TNFRSF21: variants seen among roughly 807,000 people sequenced by gnomAD.
The protein encoded by TNFRSF21 is tumor necrosis factor receptor superfamily member 21.
In TNFRSF21, 19 loss-of-function variants were observed where a neutral mutation model predicts 45.6. The ratio of observed to expected loss-of-function variants is 0.42; its 90% CI spans 0.29 to 0.61. The LOEUF (loss-of-function observed/expected upper bound fraction) is 0.61. Ranked by LOEUF, TNFRSF21 falls within the 20% of genes least tolerant of loss-of-function variation. The pLI is 0.23. For synonymous variants in TNFRSF21, 314 were observed against 335.5 expected (o/e 0.94, Z 0.70); for missense variants, 737 against 851.5 (o/e 0.87, Z 1.67).
chr6:47,308,299 A>C (rs1372021077), intron 1 of TNFRSF21, among the ~76,000 whole-genome samples: 1 of 152,230 alleles, frequency 6.6e-6, no homozygotes, highest in East Asian at 1.9e-4. Context: ...GCCAGGCGTT[A>C]AGCCCTTTTG....
rs1003096626 is a variant in TNFRSF21 at position 47,286,548 on chromosome 6, C to T, written c.144G>A (p.Ser48=). ...CATGGCGGTATGTGCCAATGAGATT[C>T]GAGGCCTTCTGTTCTGGCTGAGCTG... The part of the protein sequence containing the change: ...TTTAQPEQKA[S]NLIGTYRHVD... The change falls in exon 2 of 6, where the codon TCG becomes TCA. Residue 48 remains serine (S), a synonymous_variant. Transcript: ENST00000296861. 3.1e-6 allele frequency: 5 copies of T among 1,612,272 alleles called. No individual in the cohort carries two copies. Among genetic ancestry groups the T allele is most frequent in the Non-Finnish European group, 4.2e-6 (5 of 1,178,618 alleles).
Position 47,271,252 on chromosome 6 carries a change from G to A in TNFRSF21, c.1243+12686C>T, listed in dbSNP as rs142426982. ...TTGAAATAAAGGAAAAAGTGTTAAGGGGAGCCAGAGAGAAAGGTCAGGTTA... is the reference window on the plus strand; with the variant it reads ...TTGAAATAAAGGAAAAAGTGTTAAGAGGAGCCAGAGAGAAAGGTCAGGTTA... On this transcript the variant is annotated intron_variant, in intron 3 of 5. Coordinates refer to ENST00000296861, the MANE Select transcript of TNFRSF21 (RefSeq NM_014452.5). Among the ~76,000 whole-genome samples, 5 of 152,290 alleles carry A rather than the reference G, an allele frequency of 3.3e-5. No individual in the cohort carries two copies. In the East Asian group the frequency reaches 9.6e-4, roughly 29 times the overall value.
At chr6:47,283,410 T>C in intron 3 of TNFRSF21, among the ~76,000 whole-genome samples, 1 of 152,196 alleles carries the variant, frequency 6.6e-6, no homozygotes, top group East Asian at 1.9e-4. Context: ...AAAATTTAAG[T>C]GGGGAAAATA....
intron 4 of TNFRSF21, among the ~76,000 whole-genome samples, chr6:47,250,815 T>A (rs1764891393): frequency 6.6e-6 from 1 of 152,250 alleles, no homozygotes; most frequent in Non-Finnish European, 1.5e-5. Context: ...AGTAACATAC[T>A]GTGCAATTAC....
intron 1 of TNFRSF21, 150 bp downstream of exon 1, chr6:47,309,266 G>T: frequency 8.9e-7 from 1 of 1,129,922 alleles, no homozygotes; most frequent in Non-Finnish European, 1.2e-6. Context: ...CTGGTGTGTT[G>T]CCTTCCCTTG....
At chr6:47,261,233 T>C (rs12215820) in intron 3 of TNFRSF21, among the ~76,000 whole-genome samples, 136 of 152,226 alleles carry the variant, frequency 8.9e-4, no homozygotes, top group Non-Finnish European at 1.6e-3. Context: ...AAGTCAGAAA[T>C]TGGAATAAAA....
intron 1 of TNFRSF21, among the ~76,000 whole-genome samples, chr6:47,288,879 C>T (rs1311759323): frequency 6.6e-6 from 1 of 152,150 alleles, no homozygotes; most frequent in African/African-American, 2.4e-5. Flanking sequence ...AGATTCACAC[C>T]CTGTTTGCTC....
At chr6:47,282,435 G>A (rs909097642) in intron 3 of TNFRSF21, among the ~76,000 whole-genome samples, 27 of 151,358 alleles carry the variant, frequency 1.8e-4, no homozygotes, top group Admixed American at 1.2e-3. Context: ...AATTTGTGTC[G>A]GGCTGCATTC....
intron 4 of TNFRSF21, among the ~76,000 whole-genome samples, chr6:47,244,388 T>C: frequency 6.6e-6 from 1 of 151,536 alleles, no homozygotes; most frequent in East Asian, 2.0e-4. Context: ...TTCACAAGAC[T>C]GCACATTTTT....
chr6:47,238,840 T>C (rs943475430), intron 4 of TNFRSF21, among the ~76,000 whole-genome samples: 4 of 152,142 alleles, frequency 2.6e-5, no homozygotes, highest in African/African-American at 9.7e-5. Context: ...AGAATAATGA[T>C]TTAACTTGTA....
chr6:47,249,563 A>G (rs1180261610), intron 4 of TNFRSF21, among the ~76,000 whole-genome samples: 1 of 152,228 alleles, frequency 6.6e-6, no homozygotes, highest in African/African-American at 2.4e-5. Context: ...TTGAAGCTCC[A>G]GGAGGAAGGT....
intron 3 of TNFRSF21, among the ~76,000 whole-genome samples, chr6:47,281,702 A>G (rs946850251): frequency 8.5e-5 from 13 of 152,126 alleles, no homozygotes; most frequent in Non-Finnish European, 1.3e-4. Context: ...TTTTTTACGT[A>G]GAGAGAGCAA....
chr6:47,309,837 T>G lies in TNFRSF21; in HGVS notation c.-326A>C. The G allele has an allele frequency of 4.0e-6, 1 of 246,996 alleles. No homozygotes were observed. Among genetic ancestry groups the G allele is most frequent in the Non-Finnish European group, 7.7e-6 (1 of 129,658 alleles). 15.3% of individuals were successfully genotyped at this position (246,996 alleles called of 1,614,324 possible). On this transcript the variant is annotated 5_prime_UTR_variant, in exon 1 of 6. Transcript: ENST00000296861. ...GGCGCGAGAGAGCAAAGGAACGACT[T>G]CCCATAGCGAAGCTTCCAGCCACTG...
chr6:47,271,202 C>T (rs1388385978), intron 3 of TNFRSF21, among the ~76,000 whole-genome samples: 1 of 152,106 alleles, frequency 6.6e-6, no homozygotes, highest in Non-Finnish European at 1.5e-5. Flanking sequence ...AACCTCAAGA[C>T]ACATAATTGT....
chr6:47,305,028 G>GT lies in TNFRSF21; in HGVS notation c.96+4387dup, dbSNP rs1221373182. 4.5e-3 allele frequency among the ~76,000 whole-genome samples: 686 copies of GT among 151,676 alleles called. 4 individuals are homozygous for GT. Among genetic ancestry groups the GT allele is most frequent in the African/African-American group, 0.015 (601 of 41,280 alleles). ...ACGTATGTCATTCTCAGATTTGAAAGTCTTTTTTTTCTCTTATTCTCAGAC... is the reference window on the plus strand; with the variant it reads ...ACGTATGTCATTCTCAGATTTGAAAGTTCTTTTTTTTCTCTTATTCTCAGAC... On this transcript the variant is annotated intron_variant, in intron 1 of 5. Coordinates refer to ENST00000296861, the MANE Select transcript of TNFRSF21 (RefSeq NM_014452.5).
chr6:47,281,714 T>C, intron 3 of TNFRSF21, among the ~76,000 whole-genome samples: 1 of 151,966 alleles, frequency 6.6e-6, no homozygotes, highest in South Asian at 2.1e-4. Flanking sequence ...AGAGAGCAAA[T>C]GACAAAGCAA....
In TNFRSF21 at chr6:47,309,659, C is replaced by A; in HGVS notation, c.-148G>T. The A allele has an allele frequency of 1.7e-6, 2 of 1,194,866 alleles. No individual in the cohort carries two copies. Among genetic ancestry groups the A allele is most frequent in the Non-Finnish European group, 2.2e-6 (2 of 924,570 alleles). 74.0% of individuals were successfully genotyped at this position (1,194,866 alleles called of 1,614,324 possible). Reference sequence around the variant, plus strand: ...CCCCATGTGCACTGCTGCGGCCGGGCAGAGGAGGGAGGCGGCAAGGGAGGC... The same window carrying A: ...CCCCATGTGCACTGCTGCGGCCGGGAAGAGGAGGGAGGCGGCAAGGGAGGC... On this transcript the variant is annotated 5_prime_UTR_variant, in exon 1 of 6. Coordinates refer to ENST00000296861, the MANE Select transcript of TNFRSF21 (RefSeq NM_014452.5).
At chr6:47,285,900 G>A in intron 2 of TNFRSF21, 44 bp downstream of exon 2, 1 of 1,590,212 alleles carries the variant, frequency 6.3e-7, no homozygotes, top group Admixed American at 1.7e-5. Context: ...CCTCCACTGG[G>A]CTCAAAGCCT....
chr6:47,253,626 A>G (rs932203682), intron 3 of TNFRSF21, 105 bp from the exon 4 acceptor site: 4 of 1,356,568 alleles, frequency 2.9e-6, no homozygotes, highest in Non-Finnish European at 4.0e-6. Context: ...ACGCTTTCCT[A>G]TCGCTGTATG....
Sources: allele counts gnomAD v4.1 joint callset (sites outside exome capture counted in the v4.1 genomes callset), GRCh38; gene constraint gnomAD v4.1.1; transcripts MANE v1.5; gene names NCBI Gene and HGNC (gene_info 2026-07-23, HGNC 2026-07-21).